CDK14: variants seen among roughly 807,000 people sequenced by gnomAD.
The protein encoded by CDK14 is cyclin-dependent kinase 14.
Under a neutral mutation model 60.7 loss-of-function variants are expected in CDK14, and 34 were observed. The observed-to-expected ratio is 0.56, with a 90% CI of 0.43 to 0.75. CDK14 has a LOEUF of 0.75. Among genes scored for constraint, CDK14 ranks in the 30% least tolerant of loss-of-function variants. CDK14 has a pLI of 0.00. For missense variants in CDK14, 482 were observed against 564.1 expected (o/e 0.85, Z 1.47); for synonymous variants, 197 against 203.7 (o/e 0.97, Z 0.28).
intron 2 of CDK14, among the ~76,000 whole-genome samples, chr7:90,617,663 G>A (rs1263758015): frequency 6.6e-6 from 1 of 152,130 alleles, no homozygotes; most frequent in African/African-American, 2.4e-5. Context: ...TTTCTTTGCT[G>A]AATTACTCTT....
chr7:90,763,676 G>T (rs1314763221), intron 4 of CDK14, among the ~76,000 whole-genome samples: 2 of 140,290 alleles, frequency 1.4e-5, no homozygotes, highest in Non-Finnish European at 3.1e-5. Context: ...GGGGTGGGGG[G>T]ATGGGGGAGG....
intron 8 of CDK14, among the ~76,000 whole-genome samples, chr7:90,928,547 G>A (rs936306357): frequency 6.6e-6 from 1 of 152,206 alleles, no homozygotes; most frequent in African/African-American, 2.4e-5. Context: ...AAATATTGCA[G>A]AACGGCAGAT....
At chr7:91,175,211 G>A (rs970666903) in intron 14 of CDK14, among the ~76,000 whole-genome samples, 11 of 151,856 alleles carry the variant, frequency 7.2e-5, no homozygotes, top group South Asian at 4.2e-4. Context: ...CAAACTAAGC[G>A]TCATAAGTGA....
At chr7:91,095,093 G>T (rs1798941403) in intron 12 of CDK14, among the ~76,000 whole-genome samples, 1 of 152,102 alleles carries the variant, frequency 6.6e-6, no homozygotes, top group Non-Finnish European at 1.5e-5. Context: ...AGAGTAGCGA[G>T]GACAGCAAAC....
At chr7:91,097,535 T>C (rs1184515131) in intron 12 of CDK14, among the ~76,000 whole-genome samples, 1 of 152,096 alleles carries the variant, frequency 6.6e-6, no homozygotes, top group Non-Finnish European at 1.5e-5. Flanking sequence ...TTTTTTTTTG[T>C]ATACATTCCA....
intron 2 of CDK14, among the ~76,000 whole-genome samples, chr7:90,617,634 C>T (rs992201577): frequency 1.3e-5 from 2 of 152,006 alleles, no homozygotes; most frequent in Non-Finnish European, 2.9e-5. Context: ...GTTGATTAGT[C>T]GTTGTGAAAT....
intron 14 of CDK14, among the ~76,000 whole-genome samples, chr7:91,159,686 T>C (rs963164565): frequency 6.6e-6 from 1 of 152,100 alleles, no homozygotes; most frequent in African/African-American, 2.4e-5. Context: ...GAAACAACAA[T>C]GGACAGAAAG....
At chr7:90,721,165 G>T (rs1051157703) in intron 2 of CDK14, among the ~76,000 whole-genome samples, 1 of 152,072 alleles carries the variant, frequency 6.6e-6, no homozygotes, top group African/African-American at 2.4e-5. Context: ...ATTGGAACAT[G>T]CTGTGTTGCT....
chr7:91,124,728 G>A (rs1799890612), intron 14 of CDK14, among the ~76,000 whole-genome samples: 1 of 152,028 alleles, frequency 6.6e-6, no homozygotes, highest in Non-Finnish European at 1.5e-5. Flanking sequence ...ATTTCTTAGG[G>A]ACTATTTAGC....
chr7:91,160,462 A>G (rs1289141959), intron 14 of CDK14, among the ~76,000 whole-genome samples: 1 of 152,170 alleles, frequency 6.6e-6, no homozygotes, highest in African/African-American at 2.4e-5. Context: ...CCCAATCACC[A>G]TCTGGATAAT....
At chr7:90,929,840 A>G (rs1223314543) in intron 8 of CDK14, among the ~76,000 whole-genome samples, 2 of 152,204 alleles carry the variant, frequency 1.3e-5, no homozygotes, top group African/African-American at 4.8e-5. Flanking sequence ...GCATAATTAC[A>G]CCTTAGTGTA....
At chr7:91,042,290 A>G (rs1797113739) in intron 10 of CDK14, among the ~76,000 whole-genome samples, 1 of 152,002 alleles carries the variant, frequency 6.6e-6, no homozygotes, top group South Asian at 2.1e-4. Flanking sequence ...CCCTTTCTTT[A>G]CTTGGCAAAC....
chr7:91,119,861 G>T (rs186157518), intron 14 of CDK14, among the ~76,000 whole-genome samples: 1 of 152,074 alleles, frequency 6.6e-6, no homozygotes, highest in Admixed American at 6.5e-5. Context: ...CATTCTTCAT[G>T]TTATTTCTCC....
intron 5 of CDK14, among the ~76,000 whole-genome samples, chr7:90,845,061 T>C (rs951012654): frequency 6.6e-6 from 1 of 152,178 alleles, no homozygotes; most frequent in African/African-American, 2.4e-5. Context: ...CGTTCCTTTT[T>C]TGTGATTGTC....
intron 14 of CDK14, among the ~76,000 whole-genome samples, chr7:91,136,159 G>A (rs920020624): frequency 7.9e-5 from 12 of 152,092 alleles, no homozygotes; most frequent in African/African-American, 2.4e-4. Flanking sequence ...CTTAGCACCC[G>A]ACCAGCCTTG....
Position 90,903,468 on chromosome 7 carries a change from A to G in CDK14, c.702+4115A>G, listed in dbSNP as rs1562821341. ...TAAGTGAAATAAGCCCCTCACAGAAAGACAAATAGGGTGTATTTATATTCA... is the reference window on the plus strand; with the variant it reads ...TAAGTGAAATAAGCCCCTCACAGAAGGACAAATAGGGTGTATTTATATTCA... On this transcript the variant is annotated intron_variant, in intron 7 of 14. Transcript: ENST00000380050. 2.6e-5 allele frequency among the ~76,000 whole-genome samples: 4 copies of G among 152,302 alleles called. No individual in the cohort carries two copies. The South Asian group carries it at 8.3e-4, about 32-fold the overall frequency.
intron 2 of CDK14, chr7:90,632,284 G>A (rs2116405562): frequency 4.1e-6 from 1 of 245,628 alleles, no homozygotes; most frequent in South Asian, 5.3e-5. Flanking sequence ...GTCCAGGAAG[G>A]CATCCCCTCA....
intron 11 of CDK14, among the ~76,000 whole-genome samples, chr7:91,049,094 G>A (rs989736259): frequency 6.6e-5 from 10 of 151,908 alleles, no homozygotes; most frequent in Non-Finnish European, 1.3e-4. Context: ...TGTTGCCAGG[G>A]ATGGTCTCGA....
chr7:91,113,849 T>C lies in CDK14; in HGVS notation c.1294+1168T>C, dbSNP rs1387583493. ...ATATCCCACATTTATTTCTCATTAC[T>C]TTTTTTTAACCCTAAAGTCACTATA... On this transcript the variant is annotated intron_variant, in intron 13 of 14. Coordinates refer to ENST00000380050, the MANE Select transcript of CDK14 (RefSeq NM_001287135.2). Among the ~76,000 whole-genome samples the C allele has an allele frequency of 3.3e-5, 5 of 151,952 alleles. No individual in the cohort carries two copies. In the East Asian group the frequency reaches 9.7e-4, roughly 29 times the overall value.
Sources: gnomAD v4.1 joint callset for allele counts (sites outside exome capture counted in the v4.1 genomes callset) on GRCh38, gnomAD v4.1.1 for gene constraint, MANE v1.5 for transcripts, NCBI Gene and HGNC (gene_info 2026-07-23, HGNC 2026-07-21) for gene names.